Variants in AGBL1 observed in about 807,000 individuals in gnomAD.
AGBL1 encodes the protein cytosolic carboxypeptidase 4.
In AGBL1, 130 loss-of-function variants were observed where a neutral mutation model predicts 118.9. The observed-to-expected ratio is 1.09, with a 90% CI of 0.95 to 1.26. The LOEUF (loss-of-function observed/expected upper bound fraction) is 1.26. Ranked by LOEUF, AGBL1 falls within the 50% of genes most tolerant of loss-of-function variation. AGBL1 has a pLI of 0.00. For missense variants in AGBL1, 1,584 were observed against 1,298.1 expected (o/e 1.22, Z -3.38); for synonymous variants, 555 against 478.9 (o/e 1.16, Z -2.08).
chr15:86,292,317 T>G (rs2079560855), intron 16 of AGBL1, among the ~76,000 whole-genome samples: 1 of 151,990 alleles, frequency 6.6e-6, no homozygotes, highest in Admixed American at 6.6e-5. Flanking sequence ...ATTTTTGGCT[T>G]TGAAGGTGGA....
At chr15:87,014,994 C>G (rs749949233) in intron 24 of AGBL1, among the ~76,000 whole-genome samples, 3 of 152,018 alleles carry the variant, frequency 2.0e-5, no homozygotes, top group Admixed American at 2.0e-4. Context: ...GTGAAGATTG[C>G]GCTCAATGTG....
chr15:86,645,286 T>C (rs2085259221), intron 21 of AGBL1, among the ~76,000 whole-genome samples: 1 of 152,168 alleles, frequency 6.6e-6, no homozygotes, highest in South Asian at 2.1e-4. Flanking sequence ...TATATACTTG[T>C]GTGTGTAAAA....
intron 24 of AGBL1, among the ~76,000 whole-genome samples, chr15:87,005,927 C>T (rs192050623): frequency 1.3e-5 from 2 of 152,346 alleles, no homozygotes; most frequent in Non-Finnish European, 2.9e-5. Flanking sequence ...GGACCCTCAG[C>T]TGCAGGTCTG....
At chr15:86,950,752 T>C (rs1315184011) in intron 23 of AGBL1, among the ~76,000 whole-genome samples, 2 of 151,862 alleles carry the variant, frequency 1.3e-5, no homozygotes, top group Non-Finnish European at 2.9e-5. Context: ...CCAATTAAAA[T>C]TGGACAACAG....
In AGBL1 at chr15:86,090,396, G is replaced by T. The variant is rs180933404; in HGVS notation, c.51+10373G>T. On this transcript the variant is annotated intron_variant, in intron 1 of 22. Transcript: ENST00000614907. ...AGATTCTACTTCCTAAGACAACTTC[G>T]TAAGCACTTGCTAAGTATTCTTTTA... Among the ~76,000 whole-genome samples the T allele has an allele frequency of 3.3e-5, 5 of 152,218 alleles. No homozygotes were observed. In the East Asian group the frequency reaches 9.6e-4, roughly 29 times the overall value.
chr15:86,687,787 G>C (rs1018631060), intron 22 of AGBL1, among the ~76,000 whole-genome samples: 3 of 152,088 alleles, frequency 2.0e-5, no homozygotes, highest in African/African-American at 7.2e-5. Context: ...TCTTCACTAT[G>C]TTCAGGTGTT....
At chr15:86,223,450 A>AC (rs2078309712) in intron 5 of AGBL1, among the ~76,000 whole-genome samples, 1 of 152,110 alleles carries the variant, frequency 6.6e-6, no homozygotes, top group Non-Finnish European at 1.5e-5. Context: ...GGCCCCATAT[A>AC]CTATGGCACC....
intron 24 of AGBL1, among the ~76,000 whole-genome samples, chr15:86,992,345 G>A (rs11637333): frequency 0.11 from 17,099 of 152,146 alleles, 1,064 homozygotes; most frequent in East Asian, 0.15. Context: ...GAGGTTTGGA[G>A]GGAAACATCG....
At chr15:86,671,485 T>G (rs2085745611) in intron 21 of AGBL1, among the ~76,000 whole-genome samples, 2 of 152,188 alleles carry the variant, frequency 1.3e-5, no homozygotes, top group Admixed American at 1.3e-4. Flanking sequence ...AATTGGATCT[T>G]CATTTTATTT....
chr15:86,813,869 C>T (rs895698113), intron 22 of AGBL1, among the ~76,000 whole-genome samples: 2 of 152,172 alleles, frequency 1.3e-5, no homozygotes, highest in Non-Finnish European at 2.9e-5. Context: ...GAACTTTGCA[C>T]CTGCTGTAAG....
At chr15:86,841,828 C>A (rs574131172) in intron 22 of AGBL1, among the ~76,000 whole-genome samples, 1 of 152,066 alleles carries the variant, frequency 6.6e-6, no homozygotes, top group Non-Finnish European at 1.5e-5. Flanking sequence ...GCCTGGGCAA[C>A]AAGAGTGAAA....
intron 1 of AGBL1, among the ~76,000 whole-genome samples, chr15:86,119,915 C>T (rs968495147): frequency 6.6e-6 from 1 of 152,180 alleles, no homozygotes; most frequent in African/African-American, 2.4e-5. Flanking sequence ...TGTCCATAAT[C>T]TGTTCTTAGC....
At chr15:86,681,602 T>C (rs1408424127) in intron 22 of AGBL1, among the ~76,000 whole-genome samples, 1 of 152,190 alleles carries the variant, frequency 6.6e-6, no homozygotes, top group Non-Finnish European at 1.5e-5. Context: ...TTTTCCTCAT[T>C]TTCTTTTGGT....
Position 86,914,378 on chromosome 15 carries a change from G to C in AGBL1, c.*7084G>C, listed in dbSNP as rs1035770082. 1 of 152,128 alleles carries C rather than the reference G, an allele frequency of 6.6e-6. No homozygotes were observed. Among genetic ancestry groups the C allele is most frequent in the African/African-American group, 2.4e-5 (1 of 41,428 alleles). The allele number at this position is 152,128 out of a possible 1,614,324, so 9.4% of individuals were successfully genotyped here. On this transcript the variant is annotated 3_prime_UTR_variant, in exon 23 of 23. Coordinates refer to ENST00000614907, the MANE Select transcript of AGBL1 (RefSeq NM_001386094.1). ...CAGTACCAGCTCTGTGGGATAAATG[G>C]ACATTATGATTGCCATTTTAAAAAT...
chr15:86,750,972 A>C (rs1487682890), intron 22 of AGBL1, among the ~76,000 whole-genome samples: 1 of 152,018 alleles, frequency 6.6e-6, no homozygotes, highest in Admixed American at 6.6e-5. Context: ...ACATGATCTC[A>C]TTCTTTTTTG....
At chr15:86,409,819 C>A (rs569584235) in intron 18 of AGBL1, among the ~76,000 whole-genome samples, 2 of 152,220 alleles carry the variant, frequency 1.3e-5, no homozygotes, top group South Asian at 2.1e-4. Context: ...ATTGGCCGGG[C>A]AGCTTCTGAT....
chr15:87,004,459 T>C (rs545661526), intron 24 of AGBL1, among the ~76,000 whole-genome samples: 9 of 152,248 alleles, frequency 5.9e-5, no homozygotes, highest in Non-Finnish European at 1.0e-4. Flanking sequence ...TCCTTGTCTC[T>C]TTTGATCTTT....
chr15:86,984,581 G>A (rs186078138), intron 23 of AGBL1, among the ~76,000 whole-genome samples: 78 of 151,986 alleles, frequency 5.1e-4, no homozygotes, highest in Admixed American at 4.3e-3. Context: ...GGCCAGGCTC[G>A]TCTTGAACAC....
chr15:86,165,224 C>T (rs1043850697), intron 5 of AGBL1, among the ~76,000 whole-genome samples: 1 of 152,158 alleles, frequency 6.6e-6, no homozygotes, highest in African/African-American at 2.4e-5. Flanking sequence ...AGGTGATATT[C>T]TCCCTCCAAA....
Sources: allele counts gnomAD v4.1 joint callset (sites outside exome capture counted in the v4.1 genomes callset), GRCh38; gene constraint gnomAD v4.1.1; transcripts MANE v1.5; gene names NCBI Gene and HGNC (gene_info 2026-07-23, HGNC 2026-07-21).